The following ZNF281 variants were observed in gnomAD, a reference collection of about 807,000 sequenced individuals.
ZNF281 encodes the protein GC-box-binding zinc finger protein 1.
A neutral mutation model predicts 58.8 loss-of-function variants in ZNF281; 2 were observed. The ratio of observed to expected loss-of-function variants is 0.03; its 90% CI spans 0.01 to 0.11. ZNF281 has a LOEUF of 0.11. ZNF281 is among the 10% of genes least tolerant of loss of function. The pLI, the probability that ZNF281 is intolerant of heterozygous loss-of-function variation, is 1.00. For missense variants in ZNF281, 975 were observed against 1,090.7 expected (o/e 0.89, Z 1.49); for synonymous variants, 465 against 407.7 (o/e 1.14, Z -1.69).
rs575261245 is a variant in ZNF281 at position 200,405,453 on chromosome 1, A to C, written c.*1565T>G. ...TTACACAATAAGACTGCAAACAACC[A>C]GTGGTACTTTTCTGACGTCAGAAGA... On this transcript the variant is annotated 3_prime_UTR_variant, in exon 2 of 2. Coordinates refer to ENST00000367353, the MANE Select transcript of ZNF281 (RefSeq NM_001281293.2). 9 of 152,366 alleles carry C rather than the reference A, an allele frequency of 5.9e-5. No individual in the cohort carries two copies. In the South Asian group the frequency reaches 1.9e-3, roughly 32 times the overall value. The allele number at this position is 152,366 out of a possible 1,614,324, so 9.4% of individuals were successfully genotyped here. A position where few individuals can be genotyped will look rare whatever the true frequency, so the allele number is the denominator to read the frequency against.
In ZNF281 at chr1:200,409,468, A is replaced by T. The variant is rs1235673161; in HGVS notation, c.238T>A (p.Ser80Thr). The change falls in exon 2 of 2, where the codon TCC becomes ACC. Residue 80 changes from serine (S) to threonine (T), a missense_variant. Coordinates refer to ENST00000367353, the MANE Select transcript of ZNF281 (RefSeq NM_001281293.2). ...AAPPPQCVLS[S>T]STSAAPAAEP... ...GCGGCCGGGGCTGCGGAGGTAGAGG[A>T]GGATAACACGCATTGCGGGGGAGGG... 1.9e-6 allele frequency: 3 copies of T among 1,542,960 alleles called. No individual in the cohort carries two copies. In the African/African-American group the frequency reaches 4.1e-5, roughly 21 times the overall value.
In ZNF281 at chr1:200,407,949, G is replaced by T; in HGVS notation, c.1757C>A (p.Ser586Tyr). 3 of 1,614,118 alleles carry T rather than the reference G, an allele frequency of 1.9e-6. No homozygotes were observed. Among genetic ancestry groups the T allele is most frequent in the Non-Finnish European group, 2.5e-6 (3 of 1,180,010 alleles). Residue 586 changes from serine (S) to tyrosine (Y), a missense_variant, in exon 2 of 2, where the codon TCC (serine) becomes TAC (tyrosine). By Grantham distance (144) the Ser-to-Tyr change is moderately radical (BLOSUM62 -2). Coordinates refer to ENST00000367353, the MANE Select transcript of ZNF281 (RefSeq NM_001281293.2). ...DNEAPLSLID[S>Y]SALNAEIKSC... ...TTTAATTTCAGCATTTAGAGCTGAG[G>T]AGTCAATAAGTGACAATGGTGCCTC...
In ZNF281 at chr1:200,410,014, G is replaced by T; in HGVS notation, c.-87C>A. On this transcript the variant is annotated 5_prime_UTR_variant, in exon 1 of 2. Coordinates refer to ENST00000367353, the MANE Select transcript of ZNF281 (RefSeq NM_001281293.2). The stretch of plus-strand genomic sequence containing the variant: ...AAATAACGCCGTCCTCTCCACAATG[G>T]AATTAAAAGCCTCCCGTGTACTGCG... 1.9e-6 allele frequency: 1 copy of T among 524,444 alleles called. No individual in the cohort carries two copies. The highest frequency in any genetic ancestry group is 3.4e-6 in the Non-Finnish European group (1 of 295,084). 32.5% of individuals were successfully genotyped at this position (524,444 alleles called of 1,614,324 possible).
Position 200,407,800 on chromosome 1 carries a change from G to A in ZNF281, c.1906C>T (p.His636Tyr). Residue 636 changes from histidine (H) to tyrosine (Y), a missense_variant, in exon 2 of 2, where the codon CAC (histidine) becomes TAC (tyrosine). His to Tyr is a moderately conservative substitution (Grantham distance 83, BLOSUM62 2). Coordinates refer to ENST00000367353, the MANE Select transcript of ZNF281 (RefSeq NM_001281293.2). ...AATTCTGAGTGTTCTCCTGAGGTGT[G>A]TAAATCCACTCGTGGTTCTGCAATA... is the stretch of plus-strand genomic sequence containing the variant. ...FNIAEPRVDLHTSGEHSELVQ... is the reference protein window; with the variant it reads ...FNIAEPRVDLYTSGEHSELVQ... The A allele has an allele frequency of 6.2e-7, 1 of 1,614,152 alleles. No homozygotes were observed. The highest frequency in any genetic ancestry group is 8.5e-7 in the Non-Finnish European group (1 of 1,180,026).
rs773413652 is a variant in ZNF281, at chr1:200,408,887, G to C, written c.819C>G (p.Ser273=). 6.2e-7 allele frequency: 1 copy of C among 1,614,246 alleles called. No homozygotes were observed. Among genetic ancestry groups the C allele is most frequent in the Non-Finnish European group, 8.5e-7 (1 of 1,180,056 alleles). The change falls in exon 2 of 2, where the codon TCC becomes TCG. Residue 273 remains serine (S), a synonymous_variant. Coordinates refer to ENST00000367353, the MANE Select transcript of ZNF281 (RefSeq NM_001281293.2). ...CDHCSAAFRS[S]YHLRRHVLIH... ...TGAGGACATGTCTCCGCAGGTGATA[G>C]GAGCTTCGGAAAGCAGCACTACAGT...
At position 200,407,941 on chromosome 1, in the gene ZNF281, G is replaced by T; in HGVS notation, c.1765C>A (p.Leu589Ile). Residue 589 changes from leucine (L) to isoleucine (I), a missense_variant, in exon 2 of 2, where the codon CTA becomes ATA. Physicochemically the swap from Leu to Ile is conservative, Grantham distance 5 (BLOSUM62 2). Coordinates refer to ENST00000367353, the MANE Select transcript of ZNF281 (RefSeq NM_001281293.2). ...TGACAAGATTTAATTTCAGCATTTA[G>T]AGCTGAGGAGTCAATAAGTGACAAT... ...APLSLIDSSA[L>I]NAEIKSCHDK... The T allele has an allele frequency of 6.2e-7, 1 of 1,614,124 alleles. No homozygotes were observed. The highest frequency in any genetic ancestry group is 8.5e-7 in the Non-Finnish European group (1 of 1,180,012).
rs972559240 is a variant in ZNF281 at position 200,408,960 on chromosome 1, C to T, written c.746G>A (p.Gly249Glu). Reference protein sequence around the residue: ...ASSKPSLVGDGEGAILSPSQK... With the variant: ...ASSKPSLVGDEEGAILSPSQK... ...ACTTGGGGAGAGGATGGCACCTTCT[C>T]CATCTCCAACCAAAGAAGGTTTGGA... The change falls in exon 2 of 2, where the codon GGA becomes GAA. Residue 249 changes from glycine to glutamate, a missense_variant. Gly to Glu is a moderately conservative substitution (Grantham distance 98). Around this residue, in one of 3 missense-constraint regions of ZNF281, gnomAD observed 370 missense variants for 360.9 expected, o/e 1.03. Transcript: ENST00000367353. The T allele has an allele frequency of 6.2e-7, 1 of 1,614,254 alleles. No individual in the cohort carries two copies. Among genetic ancestry groups the T allele is most frequent in the Admixed American group, 1.7e-5 (1 of 60,036 alleles).
rs1294383471 is a variant in ZNF281, at chr1:200,407,822, A to T, written c.1884T>A (p.Ile628=). The T allele has an allele frequency of 1.9e-6, 3 of 1,614,128 alleles. No homozygotes were observed. The Admixed American group carries it at 5.0e-5, about 27-fold the overall frequency. Reference sequence around the variant, plus strand: ...TGTGTAAATCCACTCGTGGTTCTGCAATATTGAAAGGATCCTCTTTCTGGC... The same window carrying T: ...TGTGTAAATCCACTCGTGGTTCTGCTATATTGAAAGGATCCTCTTTCTGGC... The part of the protein sequence containing the change: ...SESQKEDPFN[I]AEPRVDLHTS... The change falls in exon 2 of 2, where the codon ATT becomes ATA. Residue 628 remains isoleucine, a synonymous_variant. Transcript: ENST00000367353.
In ZNF281 at chr1:200,408,603, C is replaced by T. The variant is rs1191235981; in HGVS notation, c.1103G>A (p.Gly368Asp). Residue 368 changes from glycine (G) to aspartate (D), a missense_variant, in exon 2 of 2, where the codon GGT (glycine) becomes GAT (aspartate). By Grantham distance (94) the Gly-to-Asp change is moderately conservative. Transcript: ENST00000367353. ...DRLLKHRRTC[G>D]EVIVKGATSA... is the part of the protein sequence containing the mutation. ...AGTGGCTCCTTTAACTATGACTTCA[C>T]CACATGTGCGCCTGTGCTTCAACAA... 1 of 1,614,204 alleles carries T rather than the reference C, an allele frequency of 6.2e-7. No individual in the cohort carries two copies. The highest frequency in any genetic ancestry group is 8.5e-7 in the Non-Finnish European group (1 of 1,180,046).
At position 200,409,681 on chromosome 1, in the gene ZNF281, T is replaced by G; in HGVS notation, c.25A>C (p.Ser9Arg). 6.3e-7 allele frequency: 1 copy of G among 1,577,464 alleles called. No homozygotes were observed. The highest frequency in any genetic ancestry group is 8.6e-7 in the Non-Finnish European group (1 of 1,164,596). The change falls in exon 2 of 2, where the codon AGT becomes CGT. Residue 9 changes from serine (S) to arginine (R), a missense_variant. Physicochemically the swap from Ser to Arg is moderately radical, Grantham distance 110. Coordinates refer to ENST00000367353, the MANE Select transcript of ZNF281 (RefSeq NM_001281293.2). MKIGSGFL[S>R]GGGGTGSSGG... Reference sequence around the variant, plus strand: ...CTACTGCCGGTACCTCCGCCGCCACTCAGGAACCCACTGCCGATTTTCATA... The same window carrying G: ...CTACTGCCGGTACCTCCGCCGCCACGCAGGAACCCACTGCCGATTTTCATA...
rs1238243043 is a variant in ZNF281, at chr1:200,409,280, G to T, written c.426C>A (p.His142Gln). Residue 142 changes from histidine (H) to glutamine (Q), a missense_variant, in exon 2 of 2, where the codon CAC becomes CAA. Around this residue, in one of 3 missense-constraint regions of ZNF281, gnomAD observed 370 missense variants for 360.9 expected, o/e 1.03. Transcript: ENST00000367353. ...PADPEEQQSH[H>Q]HHHHHHYGGL... ...CCCCATAGTGGTGGTGGTGATGGTGGTGGTGGGACTGCTGCTCCTCAGGAT... is the reference window on the plus strand; with the variant it reads ...CCCCATAGTGGTGGTGGTGATGGTGTTGGTGGGACTGCTGCTCCTCAGGAT... The T allele has an allele frequency of 2.5e-6, 4 of 1,612,776 alleles. No homozygotes were observed. Among genetic ancestry groups the T allele is most frequent in the Non-Finnish European group, 3.4e-6 (4 of 1,179,548 alleles).
Position 200,409,211 on chromosome 1 carries a change from G to A in ZNF281, c.495C>T (p.Gly165=), listed in dbSNP as rs1654538132. The change falls in exon 2 of 2, where the codon GGC becomes GGT. Residue 165 remains glycine, a synonymous_variant. Coordinates refer to ENST00000367353, the MANE Select transcript of ZNF281 (RefSeq NM_001281293.2). The part of the protein sequence containing the change: ...GAEERSPGLG[G]GEGGSHGVIQ... ...TGACGCCGTGACTCCCCCCTTCACC[G>A]CCTCCTAGGCCTGGAGACCTCTCTT... 3.7e-6 allele frequency: 6 copies of A among 1,613,986 alleles called. 1 individual carries two copies. Among genetic ancestry groups the A allele is most frequent in the Middle Eastern group, 3.3e-4 (2 of 6,084 alleles).
rs1024036113 is a variant in ZNF281, at chr1:200,407,608, G to A, written c.2098C>T (p.His700Tyr). 6 of 1,614,116 alleles carry A rather than the reference G, an allele frequency of 3.7e-6. No homozygotes were observed. In the Admixed American group the frequency reaches 1.0e-4, roughly 27 times the overall value. ...TTTTCTGGAAACAAAGTGTGGTTGT[G>A]GAGAGGTGAAGACAAACTGACAAAT... Reference protein sequence around the residue: ...FQFVSLSSPLHNHTLFPEKQI... With the variant: ...FQFVSLSSPLYNHTLFPEKQI... Residue 700 changes from histidine (H) to tyrosine (Y), a missense_variant, in exon 2 of 2, where the codon CAC (histidine) becomes TAC (tyrosine). Coordinates refer to ENST00000367353, the MANE Select transcript of ZNF281 (RefSeq NM_001281293.2).
Position 200,408,747 on chromosome 1 carries a change from T to C in ZNF281, c.959A>G (p.Asp320Gly), listed in dbSNP as rs775145841. The change falls in exon 2 of 2, where the codon GAT becomes GGT. Residue 320 changes from aspartate (D) to glycine (G), a missense_variant. By Grantham distance (94) the Asp-to-Gly change is moderately conservative (BLOSUM62 -1). Transcript: ENST00000367353. Reference protein sequence around the residue: ...IHSREKPFGCDQCSMKFIQKY... With the variant: ...IHSREKPFGCGQCSMKFIQKY... Reference sequence around the variant, plus strand: ...CTGAATAAACTTCATGCTGCACTGATCACATCCAAATGGCTTCTCTCTACT... The same window carrying C: ...CTGAATAAACTTCATGCTGCACTGACCACATCCAAATGGCTTCTCTCTACT... The C allele has an allele frequency of 6.2e-7, 1 of 1,614,144 alleles. No individual in the cohort carries two copies. Among genetic ancestry groups the C allele is most frequent in the Non-Finnish European group, 8.5e-7 (1 of 1,180,050 alleles).
rs1304097131 is a variant in ZNF281, at chr1:200,407,315, T to C, written c.2391A>G (p.Leu797=). ...KLTSQKEQKN[L]ESSTGFQIPS... ...GAATCTGAAAGCCTGTTGAAGACTC[T>C]AAGTTTTTCTGTTCCTTCTGGCTAG... is the stretch of plus-strand genomic sequence containing the variant. The change falls in exon 2 of 2, where the codon TTA becomes TTG. Residue 797 remains leucine (L), a synonymous_variant. Coordinates refer to ENST00000367353, the MANE Select transcript of ZNF281 (RefSeq NM_001281293.2). The C allele has an allele frequency of 1.2e-6, 2 of 1,614,176 alleles. No homozygotes were observed. Among genetic ancestry groups the C allele is most frequent in the Non-Finnish European group, 1.7e-6 (2 of 1,180,034 alleles).
chr1:200,407,847 C>T lies in ZNF281; in HGVS notation c.1859G>A (p.Ser620Asn). 2 of 1,614,130 alleles carry T rather than the reference C, an allele frequency of 1.2e-6. No individual in the cohort carries two copies. Among genetic ancestry groups the T allele is most frequent in the East Asian group, 2.2e-5 (1 of 44,874 alleles). Residue 620 changes from serine (S) to asparagine (N), a missense_variant, in exon 2 of 2, where the codon AGC becomes AAC. Transcript: ENST00000367353. ...ILDQYSNKSE[S>N]QKEDPFNIAE... ...AATATTGAAAGGATCCTCTTTCTGG[C>T]TTTCTGATTTGTTGGAGTATTGATC...
Position 200,408,955 on chromosome 1 carries a change from C to T in ZNF281, c.751G>A (p.Gly251Ser), listed in dbSNP as rs1654529044. 3 of 1,614,132 alleles carry T rather than the reference C, an allele frequency of 1.9e-6. No homozygotes were observed. The highest frequency in any genetic ancestry group is 8.5e-7 in the Non-Finnish European group (1 of 1,180,062). Residue 251 changes from glycine (G) to serine (S), a missense_variant, in exon 2 of 2, where the codon GGT (glycine) becomes AGT (serine). Coordinates refer to ENST00000367353, the MANE Select transcript of ZNF281 (RefSeq NM_001281293.2). ...SKPSLVGDGE[G>S]AILSPSQKPH... is the part of the protein sequence containing the mutation. ...TTCTGACTTGGGGAGAGGATGGCAC[C>T]TTCTCCATCTCCAACCAAAGAAGGT...
At chr1:200,409,920 C>T in intron 1 of ZNF281, 26 bp downstream of exon 1, 1 of 668,750 alleles carries the variant, frequency 1.5e-6, no homozygotes, top group Non-Finnish European at 2.4e-6. Context: ...CGCCCTCTCC[C>T]TCCTGGACCC....
Position 200,408,517 on chromosome 1 carries a change from C to T in ZNF281, c.1189G>A (p.Gly397Arg). 1 of 1,614,112 alleles carries T rather than the reference C, an allele frequency of 6.2e-7. No individual in the cohort carries two copies. The highest frequency in any genetic ancestry group is 8.5e-7 in the Non-Finnish European group (1 of 1,180,028). ...NMGNLAVLSQ[G>R]NTSSSRRKTK... ...TTTCTCCTTGAAGAACTTGTATTTCCCTGAGACAACACAGCCAGATTACCC... is the reference window on the plus strand; with the variant it reads ...TTTCTCCTTGAAGAACTTGTATTTCTCTGAGACAACACAGCCAGATTACCC... Residue 397 changes from glycine (G) to arginine (R), a missense_variant, in exon 2 of 2, where the codon GGA becomes AGA. By Grantham distance (125) the Gly-to-Arg change is moderately radical. Coordinates refer to ENST00000367353, the MANE Select transcript of ZNF281 (RefSeq NM_001281293.2).
Sources: allele counts gnomAD v4.1 joint callset, GRCh38; gene constraint gnomAD v4.1.1; regional missense constraint gnomAD v4.1.1; transcripts MANE v1.5; gene names NCBI Gene and HGNC (gene_info 2026-07-23, HGNC 2026-07-21).